Variants in DIAPH3 observed in about 807,000 individuals in gnomAD.
DIAPH3 encodes protein diaphanous homolog 3.
A neutral mutation model predicts 144.3 loss-of-function variants in DIAPH3; 117 were observed. That is an observed-to-expected ratio of 0.81 (90% CI 0.70 to 0.95). The LOEUF (loss-of-function observed/expected upper bound fraction) is 0.95. DIAPH3 is among the 40% of genes least tolerant of loss of function. DIAPH3 has a pLI of 0.00. For synonymous variants in DIAPH3, 519 were observed against 488.9 expected (o/e 1.06, Z -0.81); for missense variants, 1,421 against 1,412.7 (o/e 1.01, Z -0.09).
chr13:59,824,644 G>A (rs1168756558), intron 24 of DIAPH3, among the ~76,000 whole-genome samples: 1 of 152,170 alleles, frequency 6.6e-6, no homozygotes, highest in African/African-American at 2.4e-5. Context: ...ACGGGAGAAA[G>A]AGACTGGATT....
chr13:59,969,106 G>A (rs2050212559), intron 17 of DIAPH3, among the ~76,000 whole-genome samples: 1 of 152,042 alleles, frequency 6.6e-6, no homozygotes, highest in Non-Finnish European at 1.5e-5. Context: ...AATTCTGTGT[G>A]GATATCAGCC....
intron 25 of DIAPH3, among the ~76,000 whole-genome samples, chr13:59,778,156 C>T (rs2038523891): frequency 6.6e-6 from 1 of 152,184 alleles, no homozygotes; most frequent in Admixed American, 6.5e-5. Flanking sequence ...GAACATCTGT[C>T]TCACTTTCTT....
chr13:59,791,385 C>T (rs569527700), intron 25 of DIAPH3, among the ~76,000 whole-genome samples: 1 of 152,170 alleles, frequency 6.6e-6, no homozygotes, highest in Non-Finnish European at 1.5e-5. Context: ...GTGCTAGAGT[C>T]TGTATGGAAC....
intron 25 of DIAPH3, among the ~76,000 whole-genome samples, chr13:59,779,154 C>A (rs146291597): frequency 6.6e-6 from 1 of 152,190 alleles, no homozygotes; most frequent in Non-Finnish European, 1.5e-5. Flanking sequence ...TCCTCCAGAG[C>A]AGATGGCTAT....
At chr13:59,933,395 G>C (rs17057465) in intron 17 of DIAPH3, among the ~76,000 whole-genome samples, 10,699 of 152,278 alleles carry the variant, frequency 0.07, 422 homozygotes, top group Admixed American at 0.11. Context: ...TGACAAAGAA[G>C]AGTACGATCA....
intron 22 of DIAPH3, among the ~76,000 whole-genome samples, chr13:59,843,618 G>T (rs1006156302): frequency 1.3e-5 from 2 of 152,260 alleles, no homozygotes; most frequent in African/African-American, 2.4e-5. Context: ...AAAATAAAAT[G>T]GTTCTTGAGG....
At chr13:59,819,270 T>A (rs1295519804) in intron 24 of DIAPH3, among the ~76,000 whole-genome samples, 1 of 151,916 alleles carries the variant, frequency 6.6e-6, no homozygotes, top group Non-Finnish European at 1.5e-5. Flanking sequence ...GTAGTCTTGG[T>A]TTTCATTCCC....
At chr13:60,082,081 T>A (rs540603937) in intron 4 of DIAPH3, among the ~76,000 whole-genome samples, 1 of 150,346 alleles carries the variant, frequency 6.7e-6, no homozygotes, top group African/African-American at 2.4e-5. Flanking sequence ...AGAGAATATA[T>A]AAGACATGAA....
At chr13:59,721,023 C>A (rs1431068558) in intron 27 of DIAPH3, among the ~76,000 whole-genome samples, 2 of 152,094 alleles carry the variant, frequency 1.3e-5, no homozygotes, top group African/African-American at 2.4e-5. Flanking sequence ...TTAAAACAAT[C>A]CAAAAGAATA....
At chr13:60,081,776 T>C (rs1007528925) in intron 4 of DIAPH3, among the ~76,000 whole-genome samples, 6 of 151,876 alleles carry the variant, frequency 4.0e-5, no homozygotes, top group African/African-American at 1.2e-4. Context: ...AACTCCAAAA[T>C]GGCCCAGAGA....
chr13:60,115,992 A>C (rs896378981), intron 2 of DIAPH3, among the ~76,000 whole-genome samples: 3 of 152,108 alleles, frequency 2.0e-5, no homozygotes, highest in Non-Finnish European at 2.9e-5. Context: ...TTCAGACAAA[A>C]ACTGAGATAA....
intron 25 of DIAPH3, among the ~76,000 whole-genome samples, chr13:59,794,219 AT>A (rs547467823): frequency 1.6e-3 from 243 of 152,284 alleles, no homozygotes; most frequent in Admixed American, 2.7e-3. Flanking sequence ...ATATTTCCAA[AT>A]TATGATGGGT....
chr13:59,999,824 C>A lies in DIAPH3; in HGVS notation c.1015-7241G>T, dbSNP rs375410652. Among the ~76,000 whole-genome samples, 169 of 152,284 alleles carry A rather than the reference C, an allele frequency of 1.1e-3. 3 individuals are homozygous for A. In the South Asian group the frequency reaches 0.033, roughly 30 times the overall value. On this transcript the variant is annotated intron_variant, in intron 9 of 27. Coordinates refer to ENST00000400324, the MANE Select transcript of DIAPH3 (RefSeq NM_001042517.2). Reference sequence around the variant, plus strand: ...CCTCCCCCAGCTCCTCCTCCAGGGTCTCTCACAGGCATTTCCTCTAGTCCC... The same window carrying A: ...CCTCCCCCAGCTCCTCCTCCAGGGTATCTCACAGGCATTTCCTCTAGTCCC...
At chr13:59,834,655 C>A (rs1166357092) in intron 23 of DIAPH3, among the ~76,000 whole-genome samples, 4 of 151,668 alleles carry the variant, frequency 2.6e-5, no homozygotes, top group African/African-American at 9.7e-5. Flanking sequence ...TCATCATCAT[C>A]TTCATCTAAA....
At chr13:59,720,894 T>A (rs147952440) in intron 27 of DIAPH3, among the ~76,000 whole-genome samples, 5 of 152,250 alleles carry the variant, frequency 3.3e-5, no homozygotes, top group African/African-American at 1.2e-4. Context: ...TATGTAATAA[T>A]CCCCAAGTGA....
At chr13:59,907,298 A>C (rs957472123) in intron 20 of DIAPH3, among the ~76,000 whole-genome samples, 1 of 152,160 alleles carries the variant, frequency 6.6e-6, no homozygotes, top group Admixed American at 6.5e-5. Context: ...AACCTAAACC[A>C]ACAAAAACAG....
intron 5 of DIAPH3, among the ~76,000 whole-genome samples, chr13:60,039,306 TTC>T (rs1407240836): frequency 9.4e-6 from 1 of 106,104 alleles, no homozygotes; most frequent in Non-Finnish European, 2.0e-5. Context: ...CTTGATTTCT[TTC>T]TCTTTTTTTT....
At chr13:59,789,256 G>T (rs915032926) in intron 25 of DIAPH3, among the ~76,000 whole-genome samples, 4 of 152,162 alleles carry the variant, frequency 2.6e-5, no homozygotes, top group Admixed American at 6.5e-5. Context: ...GTAACCCAGG[G>T]AGGAAAAGGT....
In DIAPH3 at chr13:60,163,816, C is replaced by T; in HGVS notation, c.-50G>A. ...GAAAGAAGGTGGCCACTCAGCAAGC[C>T]GCAAGCTGGAAGCTGAGGGATCGAC... On this transcript the variant is annotated 5_prime_UTR_variant, in exon 1 of 28. Coordinates refer to ENST00000400324, the MANE Select transcript of DIAPH3 (RefSeq NM_001042517.2). 1 of 1,537,674 alleles carries T rather than the reference C, an allele frequency of 6.5e-7. No individual in the cohort carries two copies. Among genetic ancestry groups the T allele is most frequent in the Non-Finnish European group, 8.7e-7 (1 of 1,145,782 alleles).
Sources: allele counts gnomAD v4.1 joint callset (sites outside exome capture counted in the v4.1 genomes callset), GRCh38; gene constraint gnomAD v4.1.1; transcripts MANE v1.5; gene names NCBI Gene and HGNC (gene_info 2026-07-23, HGNC 2026-07-21).